Variants in SHROOM3 observed in about 807,000 individuals in gnomAD.
SHROOM3 encodes protein Shroom3.
In SHROOM3, 47 loss-of-function variants were observed where a neutral mutation model predicts 138.6. The ratio of observed to expected loss-of-function variants is 0.34; its 90% CI spans 0.27 to 0.43. SHROOM3 has a LOEUF of 0.43. Among genes scored for constraint, SHROOM3 ranks in the 20% least tolerant of loss-of-function variants. SHROOM3 has a pLI of 1.00. For synonymous variants in SHROOM3, 1,062 were observed against 1,063.3 expected (o/e 1.00, Z 0.02); for missense variants, 2,491 against 2,596.5 (o/e 0.96, Z 0.88).
At chr4:76,711,297 C>A (rs375982752) in intron 3 of SHROOM3, among the ~76,000 whole-genome samples, 1 of 152,276 alleles carries the variant, frequency 6.6e-6, no homozygotes, top group East Asian at 1.9e-4. Context: ...CCTAGGGATG[C>A]TGAAAGGACT....
At chr4:76,669,753 T>A (rs1373958557) in intron 2 of SHROOM3, among the ~76,000 whole-genome samples, 1 of 152,172 alleles carries the variant, frequency 6.6e-6, no homozygotes, top group Non-Finnish European at 1.5e-5. Context: ...TTGGTCAGAT[T>A]TATATAGAGG....
intron 1 of SHROOM3, among the ~76,000 whole-genome samples, chr4:76,479,500 A>C (rs1480339850): frequency 2.0e-5 from 3 of 152,110 alleles, no homozygotes; most frequent in Non-Finnish European, 4.4e-5. Context: ...CCAAACCTAC[A>C]TTTGATTGGT....
At chr4:76,536,071 G>A (rs1732948206) in intron 1 of SHROOM3, among the ~76,000 whole-genome samples, 1 of 152,220 alleles carries the variant, frequency 6.6e-6, no homozygotes, top group Non-Finnish European at 1.5e-5. Flanking sequence ...GATCTATGAA[G>A]CATGGATTTC....
intron 3 of SHROOM3, 91 bp from the exon 4 acceptor site, chr4:76,730,711 CAG>C: frequency 6.5e-7 from 1 of 1,541,156 alleles, no homozygotes; most frequent in Non-Finnish European, 8.9e-7. Context: ...GAGGACACAG[CAG>C]TCTTCGCTTC....
chr4:76,494,568 G>A (rs1731925712), intron 1 of SHROOM3, among the ~76,000 whole-genome samples: 1 of 152,206 alleles, frequency 6.6e-6, no homozygotes, highest in Admixed American at 6.5e-5. Context: ...AGTAGCAAGA[G>A]AATGAACGGG....
intron 2 of SHROOM3, among the ~76,000 whole-genome samples, chr4:76,641,404 C>T (rs1735664421): frequency 1.3e-5 from 2 of 152,124 alleles, no homozygotes; most frequent in African/African-American, 4.8e-5. Context: ...CACCCACCCA[C>T]AGGAAGGAGA....
At chr4:76,735,839 TAAAAAAAAAAA>T (rs1170202101) in intron 4 of SHROOM3, among the ~76,000 whole-genome samples, 4 of 75,836 alleles carry the variant, frequency 5.3e-5, no homozygotes, top group East Asian at 8.1e-4. Flanking sequence ...GACTCTATCT[TAAAAAAAAAAA>T]AAAAAAAAAA....
At chr4:76,646,248 A>ATATATATATATATAT (rs1491297588) in intron 2 of SHROOM3, among the ~76,000 whole-genome samples, 4 of 140,992 alleles carry the variant, frequency 2.8e-5, no homozygotes, top group South Asian at 2.3e-4. Flanking sequence ...ATATATATAT[A>ATATATATATATATAT]AAATTAAAAA....
At chr4:76,486,717 G>C (rs181749176) in intron 1 of SHROOM3, among the ~76,000 whole-genome samples, 1 of 152,238 alleles carries the variant, frequency 6.6e-6, no homozygotes. Context: ...CTAAAGGAAT[G>C]ACGCTCTCTA....
chr4:76,483,775 A>T (rs1009215589), intron 1 of SHROOM3, among the ~76,000 whole-genome samples: 4 of 152,258 alleles, frequency 2.6e-5, no homozygotes, highest in African/African-American at 7.2e-5. Context: ...TGGATAAAAA[A>T]ATATGGCACG....
In SHROOM3 at chr4:76,466,828, A is replaced by C. The variant is rs147291938; in HGVS notation, c.168+30608A>C. On this transcript the variant is annotated intron_variant, in intron 1 of 10. Coordinates refer to ENST00000296043, the MANE Select transcript of SHROOM3 (RefSeq NM_020859.4). Reference sequence around the variant, plus strand: ...TGTTTAATTTTACATTTTAGCAAAAATAAAAAATAAGGAAGCAATAAGTTT... The same window carrying C: ...TGTTTAATTTTACATTTTAGCAAAACTAAAAAATAAGGAAGCAATAAGTTT... Among the ~76,000 whole-genome samples, 1,102 of 152,304 alleles carry C rather than the reference A, an allele frequency of 7.2e-3. 9 individuals are homozygous for C. Among genetic ancestry groups the C allele is most frequent in the African/African-American group, 0.025 (1,044 of 41,550 alleles).
chr4:76,484,662 C>T (rs577199214), intron 1 of SHROOM3, among the ~76,000 whole-genome samples: 1 of 152,174 alleles, frequency 6.6e-6, no homozygotes, highest in Non-Finnish European at 1.5e-5. Flanking sequence ...TTTTGACTTT[C>T]CCTTCTTTTA....
At chr4:76,489,578 T>C (rs771759613) in intron 1 of SHROOM3, among the ~76,000 whole-genome samples, 1 of 152,192 alleles carries the variant, frequency 6.6e-6, no homozygotes, top group South Asian at 2.1e-4. Flanking sequence ...GGAAGCATAA[T>C]GTGCTTTGAA....
intron 2 of SHROOM3, among the ~76,000 whole-genome samples, chr4:76,649,126 G>T (rs1000459047): frequency 1.3e-4 from 20 of 152,108 alleles, no homozygotes; most frequent in African/African-American, 4.8e-4. Flanking sequence ...TAACCATTTT[G>T]CTGGGGGATG....
At chr4:76,472,258 A>T (rs1463394415) in intron 1 of SHROOM3, among the ~76,000 whole-genome samples, 1 of 152,230 alleles carries the variant, frequency 6.6e-6, no homozygotes, top group Admixed American at 6.5e-5. Flanking sequence ...TTGTGCAATA[A>T]TTTAAATCTC....
intron 6 of SHROOM3, among the ~76,000 whole-genome samples, chr4:76,752,472 T>G (rs1721659266): frequency 1.3e-5 from 2 of 152,192 alleles, no homozygotes; most frequent in Admixed American, 1.3e-4. Flanking sequence ...AAAATGCTTT[T>G]TCTTTTTTTT....
intron 2 of SHROOM3, among the ~76,000 whole-genome samples, chr4:76,643,032 C>A (rs1024296286): frequency 7.2e-5 from 11 of 151,936 alleles, no homozygotes; most frequent in Non-Finnish European, 1.3e-4. Context: ...CATGAAGAAA[C>A]CCCCATCTCT....
chr4:76,738,472 T>G (rs1330897530), intron 4 of SHROOM3, among the ~76,000 whole-genome samples: 1 of 152,182 alleles, frequency 6.6e-6, no homozygotes, highest in Non-Finnish European at 1.5e-5. Flanking sequence ...GCAAATCACA[T>G]CAAAGTGCTG....
intron 2 of SHROOM3, among the ~76,000 whole-genome samples, chr4:76,556,142 C>T (rs1204353878): frequency 1.3e-5 from 2 of 151,956 alleles, no homozygotes; most frequent in Non-Finnish European, 2.9e-5. Context: ...CTTTCAGTGG[C>T]ATTTTGGGAA....
Sources: gnomAD v4.1 joint callset for allele counts (sites outside exome capture counted in the v4.1 genomes callset) on GRCh38, gnomAD v4.1.1 for gene constraint, MANE v1.5 for transcripts, NCBI Gene and HGNC (gene_info 2026-07-23, HGNC 2026-07-21) for gene names.